DGKG: variants seen among roughly 807,000 people sequenced by gnomAD.
DGKG encodes DAG kinase gamma.
A neutral mutation model predicts 105.3 loss-of-function variants in DGKG; 78 were observed. That is an observed-to-expected ratio of 0.74 (90% CI 0.62 to 0.89). The LOEUF is 0.89. DGKG is among the 40% of genes least tolerant of loss of function. The pLI, the probability that DGKG is intolerant of heterozygous loss-of-function variation, is 0.00. For missense variants in DGKG, 958 were observed against 1,020.1 expected (o/e 0.94, Z 0.83); for synonymous variants, 346 against 367.1 (o/e 0.94, Z 0.66).
rs944287749 is a variant in DGKG at position 186,203,800 on chromosome 3, C to T, written c.1917+7995G>A. On this transcript the variant is annotated intron_variant, in intron 21 of 24. Coordinates refer to ENST00000265022, the MANE Select transcript of DGKG (RefSeq NM_001346.3). This position sits in a 1 kb window ranked among gnomAD's most constrained non-coding sequence, Gnocchi z 4.9. ...TCTTCTCAACTTTCCCTTCCCCATGCGTGTTTCCATTTCTTCCACTGTGGC... is the reference window on the plus strand; with the variant it reads ...TCTTCTCAACTTTCCCTTCCCCATGTGTGTTTCCATTTCTTCCACTGTGGC... Among the ~76,000 whole-genome samples, 3 of 152,236 alleles carry T rather than the reference C, an allele frequency of 2.0e-5. No individual in the cohort carries two copies. Among genetic ancestry groups the T allele is most frequent in the East Asian group, 1.9e-4 (1 of 5,198 alleles).
intron 19 of DGKG, among the ~76,000 whole-genome samples, chr3:186,251,319 A>G (rs927957833): frequency 2.6e-5 from 4 of 152,072 alleles, no homozygotes; most frequent in African/African-American, 9.7e-5. Context: ...GGAGAGAAGG[A>G]AATCTGAGGG....
chr3:186,325,241 G>C (rs1725280240), intron 1 of DGKG, among the ~76,000 whole-genome samples: 1 of 152,154 alleles, frequency 6.6e-6, no homozygotes, highest in African/African-American at 2.4e-5. Context: ...GATTACTAGA[G>C]GGGGCAGGGG....
intron 1 of DGKG, among the ~76,000 whole-genome samples, chr3:186,323,753 A>G (rs1725196493): frequency 1.3e-5 from 2 of 151,988 alleles, no homozygotes; most frequent in South Asian, 4.1e-4. Flanking sequence ...TGGCTAACAC[A>G]GTGAAACCCC....
intron 20 of DGKG, among the ~76,000 whole-genome samples, chr3:186,235,110 G>A (rs1279732162): frequency 4.6e-5 from 7 of 152,124 alleles, no homozygotes; most frequent in Non-Finnish European, 1.0e-4. Flanking sequence ...TGGGGAGGGT[G>A]GGGGACAAAA....
At chr3:186,167,012 T>C (rs1461785862) in intron 22 of DGKG, among the ~76,000 whole-genome samples, 1 of 152,202 alleles carries the variant, frequency 6.6e-6, no homozygotes, top group Non-Finnish European at 1.5e-5. Flanking sequence ...TGAATGGCTT[T>C]AACTCCGAAG....
intron 22 of DGKG, 134 bp from the exon 23 acceptor site, chr3:186,165,152 C>CAGAGTG: frequency 4.5e-6 from 4 of 891,048 alleles, no homozygotes; most frequent in Non-Finnish European, 6.6e-6. Flanking sequence ...TTTTCATATT[C>CAGAGTG]ACTCTGAATA....
intron 2 of DGKG, among the ~76,000 whole-genome samples, chr3:186,312,213 A>G (rs1221497332): frequency 1.3e-5 from 2 of 151,814 alleles, no homozygotes; most frequent in African/African-American, 4.8e-5. Flanking sequence ...CGAAAAAACT[A>G]TAAATCAACA....
intron 1 of DGKG, among the ~76,000 whole-genome samples, chr3:186,353,950 T>C (rs895100659): frequency 5.3e-5 from 8 of 152,148 alleles, no homozygotes; most frequent in African/African-American, 1.7e-4. Context: ...ACTAGCTTCC[T>C]AATAGTTGAG....
chr3:186,202,469 T>C (rs1718519575), intron 21 of DGKG, among the ~76,000 whole-genome samples: 1 of 152,240 alleles, frequency 6.6e-6, no homozygotes, highest in Non-Finnish European at 1.5e-5. Context: ...AAAAGGATTG[T>C]AATGTTTCTC....
At chr3:186,242,622 T>G in intron 19 of DGKG, 54 bp from the exon 20 acceptor site, 1 of 1,516,860 alleles carries the variant, frequency 6.6e-7, no homozygotes, top group Non-Finnish European at 9.0e-7. Flanking sequence ...GACAGTGCAG[T>G]GCGGAGGGAA....
intron 3 of DGKG, among the ~76,000 whole-genome samples, chr3:186,299,819 TTC>T (rs1164328343): frequency 2.7e-5 from 3 of 110,390 alleles, no homozygotes; most frequent in Non-Finnish European, 5.8e-5. Context: ...CTTTCTTTCT[TTC>T]TTTCTTTCTT....
chr3:186,279,875 C>T lies in DGKG; in HGVS notation c.768G>A (p.Leu256=), dbSNP rs772020688. 6.2e-7 allele frequency: 1 copy of T among 1,613,806 alleles called. No individual in the cohort carries two copies. Among genetic ancestry groups the T allele is most frequent in the South Asian group, 1.1e-5 (1 of 91,046 alleles). The change falls in exon 9 of 25, where the codon CTG becomes CTA. Residue 256 remains leucine (L), a synonymous_variant. Transcript: ENST00000265022. ...VHGGMTTIPL[L]VLLGMDDSGS... is the part of the protein sequence containing the mutation. ...CAGAGTCATCCATCCCCAGGAGGACCAGCAATGGGATGGTGGTCATCCCTC... is the reference window on the plus strand; with the variant it reads ...CAGAGTCATCCATCCCCAGGAGGACTAGCAATGGGATGGTGGTCATCCCTC...
chr3:186,267,782 G>C lies in DGKG; in HGVS notation c.1117-5C>G, dbSNP rs1214852890. 11 of 1,613,410 alleles carry C rather than the reference G, an allele frequency of 6.8e-6. No homozygotes were observed. The highest frequency in any genetic ancestry group is 1.3e-5 in the African/African-American group (1 of 75,040). ...TAATTCACATTTGCGGTGAAACTGGGGGGAGAAATGAAAAAGAGAGTGAGT... is the reference window on the plus strand; with the variant it reads ...TAATTCACATTTGCGGTGAAACTGGCGGGAGAAATGAAAAAGAGAGTGAGT... On this transcript the variant is annotated splice_region_variant and splice_polypyrimidine_tract_variant and intron_variant, in intron 12 of 24. Transcript: ENST00000265022.
At position 186,284,578 on chromosome 3, in the gene DGKG, A is replaced by G; in HGVS notation, c.594+82T>C. 8.0e-7 allele frequency: 1 copy of G among 1,252,174 alleles called. No homozygotes were observed. Among genetic ancestry groups the G allele is most frequent in the East Asian group, 2.3e-5 (1 of 43,052 alleles). 77.6% of individuals were successfully genotyped at this position (1,252,174 alleles called of 1,614,324 possible). ...TATTACTACAAAGACGGAACTGAAC[A>G]TTTTCAGATTCTTCCTCTGCTTGCT... On this transcript the variant is annotated intron_variant, in intron 7 of 24. Coordinates refer to ENST00000265022, the MANE Select transcript of DGKG (RefSeq NM_001346.3). The surrounding 1 kb of genome is among the most constrained non-coding windows in gnomAD (Gnocchi z 4.0).
chr3:186,314,709 G>A (rs1405058808), intron 2 of DGKG, among the ~76,000 whole-genome samples: 5 of 147,990 alleles, frequency 3.4e-5, no homozygotes, highest in African/African-American at 1.0e-4. Context: ...AGCCGAGATC[G>A]CGCCGCTGCA....
chr3:186,219,227 G>A (rs1036808030), intron 20 of DGKG, among the ~76,000 whole-genome samples: 1 of 151,930 alleles, frequency 6.6e-6, no homozygotes, highest in African/African-American at 2.4e-5. Flanking sequence ...GTCCTATAAG[G>A]GGCCCCTGAC....
At chr3:186,299,291 G>A (rs1723750537) in intron 3 of DGKG, among the ~76,000 whole-genome samples, 1 of 152,214 alleles carries the variant, frequency 6.6e-6, no homozygotes. Context: ...AATGTTGGTA[G>A]CATTTAACCC....
chr3:186,238,745 A>G (rs1720537147), intron 20 of DGKG, among the ~76,000 whole-genome samples: 1 of 152,196 alleles, frequency 6.6e-6, no homozygotes, highest in Non-Finnish European at 1.5e-5. Context: ...TTTTTTGCCC[A>G]TCATACATGG....
rs1721578719 is a variant in DGKG at position 186,258,214 on chromosome 3, T to C, written c.1425-275A>G. On this transcript the variant is annotated intron_variant, in intron 16 of 24. Transcript: ENST00000265022. ...GGTTTTCTAGAAATTCTGTACTAGT[T>C]ACGCAGAGGAGTCCAGAGTTTTGGC... Among the ~76,000 whole-genome samples, 4 of 152,212 alleles carry C rather than the reference T, an allele frequency of 2.6e-5. No individual in the cohort carries two copies. The South Asian group carries it at 8.3e-4, about 32-fold the overall frequency.
Sources: gnomAD v4.1 joint callset for allele counts (sites outside exome capture counted in the v4.1 genomes callset) on GRCh38, gnomAD v4.1.1 for gene constraint, Gnocchi (gnomAD v3.1) non-coding constraint, MANE v1.5 for transcripts, NCBI Gene and HGNC (gene_info 2026-07-23, HGNC 2026-07-21) for gene names.